Variants in SSH1 observed in about 807,000 individuals in gnomAD.
SSH1 encodes the protein protein phosphatase Slingshot homolog 1.
A neutral mutation model predicts 79.7 loss-of-function variants in SSH1; 43 were observed. The observed-to-expected ratio is 0.54, with a 90% CI of 0.42 to 0.70. The LOEUF is 0.70. Ranked by LOEUF, SSH1 falls within the 30% of genes least tolerant of loss-of-function variation. The pLI is 0.00. For synonymous variants in SSH1, 599 were observed against 538.3 expected (o/e 1.11, Z -1.56); for missense variants, 1,206 against 1,358.8 (o/e 0.89, Z 1.77).
chr12:108,831,400 G>A (rs575663800), intron 2 of SSH1, among the ~76,000 whole-genome samples: 3 of 152,326 alleles, frequency 2.0e-5, no homozygotes, highest in South Asian at 2.1e-4. Flanking sequence ...CGATCAACAA[G>A]TATTTGCTGA....
chr12:108,855,343 C>A (rs2039122444), intron 1 of SSH1, among the ~76,000 whole-genome samples: 1 of 152,016 alleles, frequency 6.6e-6, no homozygotes. Context: ...GAGAATGGGG[C>A]AGGGGGAGGC....
intron 9 of SSH1, 144 bp from the exon 10 acceptor site, chr12:108,805,328 C>A: frequency 1.2e-6 from 1 of 846,600 alleles, no homozygotes; most frequent in South Asian, 1.7e-5. Context: ...CATTTAGATA[C>A]ACGCAACATA....
At chr12:108,834,899 T>A (rs1440807588) in intron 2 of SSH1, among the ~76,000 whole-genome samples, 3 of 152,210 alleles carry the variant, frequency 2.0e-5, no homozygotes, top group Non-Finnish European at 4.4e-5. Context: ...AAGTCAGTAT[T>A]CCAGGAGTAA....
chr12:108,849,265 G>A (rs563634375), intron 2 of SSH1, among the ~76,000 whole-genome samples: 9 of 152,292 alleles, frequency 5.9e-5, no homozygotes, highest in African/African-American at 2.2e-4. Flanking sequence ...AGCAAGAAAA[G>A]GGCCAGGTGC....
At chr12:108,816,933 C>A (rs901202748) in intron 5 of SSH1, 105 bp downstream of exon 5, 2 of 1,556,494 alleles carry the variant, frequency 1.3e-6, no homozygotes, top group Non-Finnish European at 1.8e-6. Flanking sequence ...TCCATCAGGA[C>A]GCAGCCCTCT....
intron 3 of SSH1, 106 bp from the exon 4 acceptor site, chr12:108,818,419 A>G (rs2037987935): frequency 9.9e-7 from 1 of 1,008,682 alleles, no homozygotes; most frequent in Non-Finnish European, 1.5e-6. Context: ...TTGAGAAGTT[A>G]AAATTTGTCT....
At chr12:108,836,536 T>A (rs1388970564) in intron 2 of SSH1, among the ~76,000 whole-genome samples, 3 of 152,184 alleles carry the variant, frequency 2.0e-5, no homozygotes, top group Non-Finnish European at 4.4e-5. Flanking sequence ...GCCCTAACTG[T>A]CCACAAGGAC....
chr12:108,791,094 G>A (rs1443801404), intron 14 of SSH1, among the ~76,000 whole-genome samples: 1 of 152,214 alleles, frequency 6.6e-6, no homozygotes, highest in African/African-American at 2.4e-5. Context: ...ACTTGACAAC[G>A]TTGGGAAATT....
At chr12:108,803,752 AAC>A (rs1156625214) in intron 10 of SSH1, among the ~76,000 whole-genome samples, 1 of 152,228 alleles carries the variant, frequency 6.6e-6, no homozygotes, top group African/African-American at 2.4e-5. Context: ...CAGGGAAATC[AAC>A]AGACTTCCAG....
At chr12:108,826,380 C>T (rs752319882) in intron 2 of SSH1, 9 of 317,864 alleles carry the variant, frequency 2.8e-5, no homozygotes, top group Admixed American at 9.6e-5. Flanking sequence ...TGTTCCCCCA[C>T]GACAATCAAG....
rs2037344065 is a variant in SSH1, at chr12:108,807,528, G to A, written c.731+105C>T. The A allele has an allele frequency of 9.2e-7, 1 of 1,085,866 alleles. No individual in the cohort carries two copies. Among genetic ancestry groups the A allele is most frequent in the Non-Finnish European group, 1.4e-6 (1 of 720,552 alleles). The allele number at this position is 1,085,866 out of a possible 1,614,324, so 67.3% of individuals were successfully genotyped here. On this transcript the variant is annotated intron_variant, in intron 8 of 14. Transcript: ENST00000326495. The surrounding 1 kb of genome is among the most constrained non-coding windows in gnomAD (Gnocchi z 5.2). ...AGGGTTCTCACTCAAGGGACTCCAG[G>A]GGAGGTGTGGCCCAATGCAGGTTCA...
chr12:108,818,531 T>C (rs925473612), intron 3 of SSH1, among the ~76,000 whole-genome samples: 3 of 152,232 alleles, frequency 2.0e-5, no homozygotes, highest in Non-Finnish European at 4.4e-5. Flanking sequence ...GAGCTTACTG[T>C]CATGTTGTTA....
intron 2 of SSH1, among the ~76,000 whole-genome samples, chr12:108,845,101 C>T (rs566621831): frequency 3.3e-5 from 5 of 149,432 alleles, no homozygotes; most frequent in African/African-American, 9.9e-5. Flanking sequence ...CCCAGCTACT[C>T]GGGAGGCTGA....
chr12:108,828,578 AAGAG>A (rs1308878622), intron 2 of SSH1, among the ~76,000 whole-genome samples: 1 of 152,164 alleles, frequency 6.6e-6, no homozygotes, highest in African/African-American at 2.4e-5. Flanking sequence ...ATGCGTGGGA[AAGAG>A]AGAGAAGGAA....
At chr12:108,852,238 C>CT (rs372321306) in intron 2 of SSH1, among the ~76,000 whole-genome samples, 6,637 of 136,988 alleles carry the variant, frequency 0.048, 502 homozygotes, top group African/African-American at 0.16. Context: ...TTGGCATATT[C>CT]TTTTTTTTTT....
chr12:108,852,952 T>C (rs2039074017), intron 1 of SSH1: 1 of 985,428 alleles, frequency 1.0e-6, no homozygotes, highest in Non-Finnish European at 1.2e-6. Context: ...CTATCTGGTG[T>C]TGTTACCCAG....
At chr12:108,820,487 C>A (rs998546167) in intron 3 of SSH1, among the ~76,000 whole-genome samples, 37 of 152,298 alleles carry the variant, frequency 2.4e-4, no homozygotes, top group African/African-American at 8.4e-4. Context: ...CAAAAACAAA[C>A]CCCTGTCTGA....
intron 2 of SSH1, among the ~76,000 whole-genome samples, chr12:108,828,230 C>T (rs1421341638): frequency 6.6e-6 from 1 of 152,196 alleles, no homozygotes; most frequent in Admixed American, 6.5e-5. Flanking sequence ...AGGGGCTTCT[C>T]TTCCCTCGGC....
chr12:108,832,928 G>C (rs555346125), intron 2 of SSH1, among the ~76,000 whole-genome samples: 3 of 152,298 alleles, frequency 2.0e-5, no homozygotes, highest in South Asian at 2.1e-4. Flanking sequence ...TATACTTAGG[G>C]AAAGGGGTCA....
Sources: allele counts gnomAD v4.1 joint callset (sites outside exome capture counted in the v4.1 genomes callset), GRCh38; gene constraint gnomAD v4.1.1; non-coding constraint Gnocchi (gnomAD v3.1); transcripts MANE v1.5; gene names NCBI Gene and HGNC (gene_info 2026-07-23, HGNC 2026-07-21).